The following SLC38A6 variants were observed in gnomAD, a reference collection of about 807,000 sequenced individuals.
SLC38A6 encodes the protein solute carrier family 38 member 6.
In SLC38A6, 73 loss-of-function variants were observed where a neutral mutation model predicts 65.0. The observed-to-expected ratio is 1.12, with a 90% confidence interval of 0.93 to 1.37. The LOEUF is 1.37. SLC38A6 is among the 40% of genes most tolerant of loss of function. The pLI is 0.00. For missense variants in SLC38A6, 561 were observed against 531.1 expected, an observed-to-expected ratio of 1.06 and a Z score of -0.55; for synonymous variants, 183 against 178.8, an observed-to-expected ratio of 1.02 and a Z score of -0.19.
At chr14:61,017,264 T>A (rs1001061947) in intron 4 of SLC38A6, among the ~76,000 whole-genome samples, 2 of 152,202 alleles carry the variant, frequency 1.3e-5, no homozygotes, top group African/African-American at 4.8e-5. Flanking sequence ...GGTCTGGGCC[T>A]CCCGACCTCA....
Position 61,041,807 on chromosome 14 carries a change from G to A in SLC38A6, c.625-1340G>A, listed in dbSNP as rs1455732191. Among the ~76,000 whole-genome samples, 8 of 152,116 alleles carry A rather than the reference G, an allele frequency of 5.3e-5. No individual in the cohort carries two copies. The East Asian group carries it at 1.3e-3, about 26-fold the overall frequency. On this transcript the variant is annotated intron_variant, in intron 8 of 15. Transcript: ENST00000267488. ...CCCAGGCACTCGGGAGGCTGAGGTG[G>A]AAGGATGGTTTGAGCCTGGGAGGTG...
intron 3 of SLC38A6, among the ~76,000 whole-genome samples, chr14:60,986,352 G>C (rs1011421016): frequency 2.0e-5 from 3 of 152,208 alleles, no homozygotes; most frequent in Admixed American, 1.3e-4. Flanking sequence ...ACCAGTTTAG[G>C]ATCCATAGTT....
chr14:61,003,733 T>A (rs964825690), intron 3 of SLC38A6, among the ~76,000 whole-genome samples: 32 of 152,214 alleles, frequency 2.1e-4, no homozygotes, highest in Non-Finnish European at 3.7e-4. Context: ...GTACACATTT[T>A]ATTTAGTAAA....
intron 3 of SLC38A6, among the ~76,000 whole-genome samples, chr14:60,990,245 G>T (rs532657398): frequency 1.3e-5 from 2 of 152,142 alleles, no homozygotes; most frequent in South Asian, 4.2e-4. Context: ...TGGCCAGGCT[G>T]GTCTCAAACT....
At chr14:61,040,497 G>A (rs779576472) in intron 8 of SLC38A6, among the ~76,000 whole-genome samples, 1 of 151,976 alleles carries the variant, frequency 6.6e-6, no homozygotes, top group Non-Finnish European at 1.5e-5. Context: ...CCGCCACCAC[G>A]CCTGGCTAAT....
At chr14:61,006,029 C>T (rs1212564826) in intron 3 of SLC38A6, among the ~76,000 whole-genome samples, 1 of 152,124 alleles carries the variant, frequency 6.6e-6, no homozygotes, top group African/African-American at 2.4e-5. Flanking sequence ...TGCCGCATAT[C>T]TACACCTATC....
intron 6 of SLC38A6, among the ~76,000 whole-genome samples, chr14:61,031,854 A>G (rs1211786257): frequency 1.3e-5 from 2 of 151,940 alleles, no homozygotes; most frequent in Non-Finnish European, 2.9e-5. Flanking sequence ...GAGTAAGGAG[A>G]TATGTGTTCT....
intron 3 of SLC38A6, among the ~76,000 whole-genome samples, chr14:60,995,579 T>A (rs979069873): frequency 6.6e-6 from 1 of 151,056 alleles, no homozygotes. Flanking sequence ...GCCAAGAGAG[T>A]AGATTTCAGG....
chr14:61,009,470 T>C (rs547407950), intron 3 of SLC38A6, among the ~76,000 whole-genome samples: 2 of 152,168 alleles, frequency 1.3e-5, no homozygotes, highest in Non-Finnish European at 2.9e-5. Flanking sequence ...ATGTGCCATG[T>C]TGGCGTGCCG....
chr14:61,043,261 A>T (rs1166610057), intron 9 of SLC38A6, 49 bp downstream of exon 9: 1 of 1,259,808 alleles, frequency 7.9e-7, no homozygotes, highest in African/African-American at 1.5e-5. Context: ...ATTTTAACTA[A>T]AAAGAAAAGA....
At chr14:61,036,492 T>G (rs2139716144) in intron 6 of SLC38A6, among the ~76,000 whole-genome samples, 1 of 152,178 alleles carries the variant, frequency 6.6e-6, no homozygotes, top group African/African-American at 2.4e-5. Context: ...ACCTAATGCA[T>G]GCAGGGCTTA....
intron 12 of SLC38A6, among the ~76,000 whole-genome samples, chr14:61,050,056 T>A (rs1458506769): frequency 1.3e-5 from 2 of 152,164 alleles, no homozygotes; most frequent in African/African-American, 4.8e-5. Context: ...AAAGATGCTG[T>A]CTCTAGCACC....
chr14:60,993,741 T>G (rs1386920080), intron 3 of SLC38A6, among the ~76,000 whole-genome samples: 2 of 152,234 alleles, frequency 1.3e-5, no homozygotes, highest in Non-Finnish European at 2.9e-5. Context: ...CTCTTCTGTG[T>G]ACACAGAGCT....
chr14:61,028,463 T>A (rs1270536876), intron 5 of SLC38A6, among the ~76,000 whole-genome samples: 1 of 152,076 alleles, frequency 6.6e-6, no homozygotes, highest in Non-Finnish European at 1.5e-5. Context: ...ATGTGTAGAG[T>A]TCTTTGGAAT....
At chr14:61,034,947 A>T (rs1188180979) in intron 6 of SLC38A6, among the ~76,000 whole-genome samples, 2 of 152,188 alleles carry the variant, frequency 1.3e-5, no homozygotes, top group African/African-American at 4.8e-5. Flanking sequence ...AGCACCCAAC[A>T]GTAACAATTA....
rs557024587 is a variant in SLC38A6 at position 60,981,441 on chromosome 14, G to A, written c.105+59G>A. 5.8e-6 allele frequency: 9 copies of A among 1,548,744 alleles called. No homozygotes were observed. In the East Asian group the frequency reaches 2.0e-4, roughly 34 times the overall value. ...GCCCTCCGGCTTCCCTCAAGTGCCT[G>A]CCAAATAAGACCCAGAAAAGGAGGA... On this transcript the variant is annotated intron_variant, in intron 1 of 15. Transcript: ENST00000267488.
intron 3 of SLC38A6, among the ~76,000 whole-genome samples, chr14:60,986,760 C>T (rs893974541): frequency 2.0e-5 from 3 of 152,148 alleles, no homozygotes; most frequent in Non-Finnish European, 4.4e-5. Flanking sequence ...TCTTTCAATT[C>T]ATTCTGTTAA....
At chr14:61,062,740 G>A (rs372526713) in intron 15 of SLC38A6, among the ~76,000 whole-genome samples, 13 of 152,262 alleles carry the variant, frequency 8.5e-5, no homozygotes, top group African/African-American at 2.9e-4. Flanking sequence ...GAGTGCAGTG[G>A]TATAATCTCG....
intron 3 of SLC38A6, among the ~76,000 whole-genome samples, chr14:60,992,017 A>G (rs774305451): frequency 8.5e-5 from 13 of 152,214 alleles, no homozygotes; most frequent in Non-Finnish European, 1.8e-4. Flanking sequence ...AAAGGTGGCA[A>G]TGAGCCCAAC....
Sources: gnomAD v4.1 joint callset for allele counts (sites outside exome capture counted in the v4.1 genomes callset) on GRCh38, gnomAD v4.1.1 for gene constraint, MANE v1.5 for transcripts, NCBI Gene and HGNC (gene_info 2026-07-23, HGNC 2026-07-21) for gene names.